Variants in KCNH8 observed in about 807,000 individuals in gnomAD.
KCNH8 encodes the protein potassium voltage-gated channel subfamily H member 8, also known as voltage-gated delayed rectifier potassium channel KCNH8.
KCNH8 carries 70 observed loss-of-function variants against 103.6 expected under a neutral mutation model. The observed-to-expected ratio is 0.68, with a 90% CI of 0.56 to 0.82. The LOEUF is 0.82. Among genes scored for constraint, KCNH8 ranks in the 40% least tolerant of loss-of-function variants. KCNH8 has a pLI of 0.00. For synonymous variants in KCNH8, 498 were observed against 489.4 expected (o/e 1.02, Z -0.23); for missense variants, 1,217 against 1,329.9 (o/e 0.92, Z 1.32).
chr3:19,534,814 T>C lies in KCNH8; in HGVS notation c.*715T>C, dbSNP rs926457390. Reference sequence around the variant, plus strand: ...ACAAGAAATGCACTACTGTTGTGTATAGTAGATCAAAAATTATTTATTACT... The same window carrying C: ...ACAAGAAATGCACTACTGTTGTGTACAGTAGATCAAAAATTATTTATTACT... On this transcript the variant is annotated 3_prime_UTR_variant, in exon 16 of 16. Transcript: ENST00000328405. The C allele has an allele frequency of 6.6e-5, 10 of 152,522 alleles. No homozygotes were observed. The highest frequency in any genetic ancestry group is 5.2e-4 in the Admixed American group (8 of 15,304). 9.4% of individuals were successfully genotyped at this position (152,522 alleles called of 1,614,324 possible). A position where few individuals can be genotyped will look rare whatever the true frequency, so the allele number is the denominator to read the frequency against.
At chr3:19,420,402 G>T (rs1326557143) in intron 7 of KCNH8, among the ~76,000 whole-genome samples, 1 of 152,154 alleles carries the variant, frequency 6.6e-6, no homozygotes, top group African/African-American at 2.4e-5. Flanking sequence ...AATCTTTCTA[G>T]CCTGAAATGG....
At chr3:19,532,916 T>C (rs1325172280) in intron 15 of KCNH8, among the ~76,000 whole-genome samples, 1 of 152,168 alleles carries the variant, frequency 6.6e-6, no homozygotes, top group Non-Finnish European at 1.5e-5. Context: ...GGCTTTCTTA[T>C]TAAGAAATTT....
chr3:19,352,797 G>A (rs1017865323), intron 5 of KCNH8, among the ~76,000 whole-genome samples: 7 of 152,096 alleles, frequency 4.6e-5, no homozygotes, highest in African/African-American at 1.7e-4. Context: ...ATCTAAAATT[G>A]ACACCCTAAC....
intron 5 of KCNH8, among the ~76,000 whole-genome samples, chr3:19,379,452 C>T (rs766032206): frequency 6.6e-5 from 10 of 152,050 alleles, no homozygotes; most frequent in South Asian, 2.1e-4. Context: ...CCATCCTGGC[C>T]AACATGGTGA....
chr3:19,296,558 A>T (rs998301875), intron 3 of KCNH8, among the ~76,000 whole-genome samples: 8 of 152,206 alleles, frequency 5.3e-5, no homozygotes, highest in Non-Finnish European at 1.2e-4. Context: ...TTCACTTTTG[A>T]TCCCAGTAAT....
chr3:19,508,570 G>T (rs1183360243), intron 11 of KCNH8, among the ~76,000 whole-genome samples: 1 of 152,002 alleles, frequency 6.6e-6, no homozygotes, highest in Non-Finnish European at 1.5e-5. Context: ...CACTTATCAG[G>T]GTGCTTATCA....
At chr3:19,404,925 A>G (rs573004302) in intron 7 of KCNH8, among the ~76,000 whole-genome samples, 6 of 151,920 alleles carry the variant, frequency 3.9e-5, no homozygotes, top group Admixed American at 3.9e-4. Flanking sequence ...GTATAATTTT[A>G]CAAAAATATT....
intron 11 of KCNH8, among the ~76,000 whole-genome samples, chr3:19,481,895 C>G (rs1395760492): frequency 6.6e-6 from 1 of 152,134 alleles, no homozygotes; most frequent in Non-Finnish European, 1.5e-5. Flanking sequence ...CTGTTCTTAA[C>G]TTGATGGATG....
intron 3 of KCNH8, among the ~76,000 whole-genome samples, chr3:19,327,343 G>T (rs2065437956): frequency 6.6e-6 from 1 of 152,208 alleles, no homozygotes; most frequent in Non-Finnish European, 1.5e-5. Context: ...CCAGACGAGT[G>T]CAGTGGTGTG....
intron 10 of KCNH8, among the ~76,000 whole-genome samples, chr3:19,451,682 A>C (rs931595277): frequency 6.6e-6 from 1 of 152,170 alleles, no homozygotes; most frequent in African/African-American, 2.4e-5. Flanking sequence ...AAGAAAATAA[A>C]CTCAGTTATT....
chr3:19,347,806 A>C lies in KCNH8; in HGVS notation c.652A>C (p.Ser218Arg). 2 of 1,613,380 alleles carry C rather than the reference A, an allele frequency of 1.2e-6. No individual in the cohort carries two copies. Among genetic ancestry groups the C allele is most frequent in the Non-Finnish European group, 1.7e-6 (2 of 1,179,474 alleles). The change falls in exon 5 of 16, where the codon AGC becomes CGC. Residue 218 changes from serine to arginine, a missense_variant. Coordinates refer to ENST00000328405, the MANE Select transcript of KCNH8 (RefSeq NM_144633.3). Reference sequence around the variant, plus strand: ...GTCCAAATTCATACTTCTGCATTTTAGCACTTTTAAAGCTGGCTGGGACTG... The same window carrying C: ...GTCCAAATTCATACTTCTGCATTTTCGCACTTTTAAAGCTGGCTGGGACTG... Reference protein sequence around the residue: ...KKSKFILLHFSTFKAGWDWLI... With the variant: ...KKSKFILLHFRTFKAGWDWLI...
chr3:19,413,987 T>C (rs1367007882), intron 7 of KCNH8, among the ~76,000 whole-genome samples: 1 of 152,022 alleles, frequency 6.6e-6, no homozygotes, highest in Non-Finnish European at 1.5e-5. Context: ...GTAAATAGGA[T>C]TGGATTTTAA....
At chr3:19,307,324 T>A (rs1184735081) in intron 3 of KCNH8, among the ~76,000 whole-genome samples, 2 of 151,852 alleles carry the variant, frequency 1.3e-5, no homozygotes, top group Non-Finnish European at 2.9e-5. Flanking sequence ...GCATCACTAA[T>A]CATCAGGGAA....
intron 1 of KCNH8, among the ~76,000 whole-genome samples, chr3:19,159,292 A>G (rs949030063): frequency 2.6e-5 from 4 of 151,760 alleles, no homozygotes; most frequent in Non-Finnish European, 4.4e-5. Context: ...GAATATATAT[A>G]GAGAGATATA....
chr3:19,533,358 T>TCTAA lies in KCNH8; in HGVS notation c.2620-33_2620-30dup, dbSNP rs771391952. 8.7e-6 allele frequency: 12 copies of TCTAA among 1,374,136 alleles called. No homozygotes were observed. In the East Asian group the frequency reaches 1.8e-4, roughly 21 times the overall value. 85.1% of individuals were successfully genotyped at this position (1,374,136 alleles called of 1,614,324 possible). ...TGAAATGTGGTCACTACTATGCACC[T>TCTAA]CTAACTATTGTCTTTCACTTTGCTC... is the stretch of plus-strand genomic sequence containing the variant. On this transcript the variant is annotated intron_variant, in intron 15 of 15. Coordinates refer to ENST00000328405, the MANE Select transcript of KCNH8 (RefSeq NM_144633.3).
At chr3:19,187,681 C>A (rs1450772428) in intron 1 of KCNH8, among the ~76,000 whole-genome samples, 1 of 152,042 alleles carries the variant, frequency 6.6e-6, no homozygotes, top group Admixed American at 6.6e-5. Flanking sequence ...AAACTTAGAA[C>A]CTGGGTGTTA....
intron 8 of KCNH8, among the ~76,000 whole-genome samples, chr3:19,444,869 C>T (rs370882675): frequency 2.0e-5 from 3 of 152,024 alleles, no homozygotes; most frequent in Admixed American, 1.3e-4. Context: ...AATGAAACAC[C>T]TTGACCTCCT....
At chr3:19,148,906 C>A in intron 1 of KCNH8, 111 bp downstream of exon 1, 2 of 960,794 alleles carry the variant, frequency 2.1e-6, no homozygotes, top group South Asian at 1.3e-5. Context: ...GAATTTTCTT[C>A]TGTTCTTGCC....
At chr3:19,496,346 TTA>T (rs1210177595) in intron 11 of KCNH8, among the ~76,000 whole-genome samples, 1 of 152,176 alleles carries the variant, frequency 6.6e-6, no homozygotes, top group Non-Finnish European at 1.5e-5. Context: ...TAGATGGCTC[TTA>T]TTATTTTAAA....
Sources: allele counts gnomAD v4.1 joint callset (sites outside exome capture counted in the v4.1 genomes callset), GRCh38; gene constraint gnomAD v4.1.1; transcripts MANE v1.5; gene names NCBI Gene and HGNC (gene_info 2026-07-23, HGNC 2026-07-21).